GPHN: variants seen among roughly 807,000 people sequenced by gnomAD.
The protein encoded by GPHN is gephyrin.
Under a neutral mutation model 95.5 loss-of-function variants are expected in GPHN, and 17 were observed. The ratio of observed to expected loss-of-function variants is 0.18; its 90% CI spans 0.12 to 0.27. GPHN has a LOEUF of 0.27. Ranked by LOEUF, GPHN falls within the 10% of genes least tolerant of loss-of-function variation. The probability of loss-of-function intolerance (pLI) is 1.00; values close to 1 mark genes in which losing one functional copy is unlikely to be tolerated. For synonymous variants in GPHN, 320 were observed against 322.5 expected, an observed-to-expected ratio of 0.99 and a Z score of 0.08; for missense variants, 660 against 978.1, an observed-to-expected ratio of 0.67 and a Z score of 4.34.
At chr14:67,569,032 C>T in the GPHN span, 22 of 694,778 alleles carry the variant, frequency 3.2e-5, no homozygotes, top group South Asian at 3.9e-4. Context: ...CACTGCCCCC[C>T]ACAGGTCTGC....
intron 1 of GPHN, among the ~76,000 whole-genome samples, chr14:66,673,359 C>A (rs542593521): frequency 1.3e-5 from 2 of 151,680 alleles, no homozygotes; most frequent in Non-Finnish European, 2.9e-5. Context: ...CCCAAAGTGC[C>A]GGAAATACAG....
the GPHN span, among the ~76,000 whole-genome samples, chr14:67,490,848 T>C: frequency 6.6e-6 from 1 of 152,220 alleles, no homozygotes; most frequent in East Asian, 1.9e-4. Context: ...CCTTCTGCTC[T>C]CACACTCAAA....
intron 4 of GPHN, among the ~76,000 whole-genome samples, chr14:66,854,285 TCAAGTTCACATTCCTTTTA>T (rs1400765428): frequency 6.6e-6 from 1 of 152,222 alleles, no homozygotes; most frequent in Non-Finnish European, 1.5e-5. Flanking sequence ...AAACCTCATT[TCAAGTTCACATTCCTTTTA>T]TCCCAAATAA....
intron 3 of GPHN, among the ~76,000 whole-genome samples, chr14:66,803,639 AT>A (rs1445663485): frequency 1.3e-5 from 2 of 152,010 alleles, no homozygotes; most frequent in Non-Finnish European, 2.9e-5. Context: ...ATTATACTAT[AT>A]TTTTGAGTGT....
chr14:67,070,715 A>AAAAAAAAAATATATATATATATAT lies in GPHN; in HGVS notation c.1144+11930_1144+11931insAAAAAAAATATATATATATATATA. 7.1e-4 allele frequency among the ~76,000 whole-genome samples: 57 copies of AAAAAAAAAATATATATATATATAT among 80,570 alleles called. 1 individual carries two copies. The highest frequency in any genetic ancestry group is 5.0e-3 in the East Asian group (11 of 2,188). 52.9% of individuals were successfully genotyped at this position (80,570 alleles called of 152,430 possible). On this transcript the variant is annotated intron_variant, in intron 11 of 22. Transcript: ENST00000478722. ...ATCTCAAAAAAAAAAAAAAAAAAAA[A>AAAAAAAAAATATATATATATATAT]ATATATATATATATCCAATCAGCAT... is the stretch of plus-strand genomic sequence containing the variant.
the GPHN span, among the ~76,000 whole-genome samples, chr14:67,553,038 A>G: frequency 2.0e-5 from 3 of 152,226 alleles, no homozygotes; most frequent in Admixed American, 2.0e-4. Context: ...TCTTGACCCA[A>G]ATGGAAATGC....
intron 1 of GPHN, among the ~76,000 whole-genome samples, chr14:66,626,234 T>C (rs893407867): frequency 2.0e-5 from 3 of 152,184 alleles, no homozygotes; most frequent in African/African-American, 7.2e-5. Context: ...TTCTATCTTA[T>C]AGATAGGAAA....
intron 9 of GPHN, among the ~76,000 whole-genome samples, chr14:67,011,818 TATAA>T (rs145813978): frequency 0.058 from 8,817 of 151,864 alleles, 306 homozygotes; most frequent in Non-Finnish European, 0.081. Context: ...GTGTTGTGTG[TATAA>T]ATACACAGAT....
At chr14:67,697,525 T>C in the GPHN span, among the ~76,000 whole-genome samples, 2 of 152,174 alleles carry the variant, frequency 1.3e-5, no homozygotes, top group Non-Finnish European at 2.9e-5. Flanking sequence ...CCAGGCCCTG[T>C]CCCAATGATT....
At chr14:67,225,962 T>TGTGCGCGCGCGC in the GPHN span, among the ~76,000 whole-genome samples, 6 of 113,486 alleles carry the variant, frequency 5.3e-5, no homozygotes, top group African/African-American at 3.1e-4. Context: ...TGTGTGTGTG[T>TGTGCGCGCGCGC]GCGCGCGCGC....
At chr14:67,520,351 C>G in the GPHN span, among the ~76,000 whole-genome samples, 2 of 152,230 alleles carry the variant, frequency 1.3e-5, no homozygotes, top group Non-Finnish European at 2.9e-5. Context: ...TTTCCCTCCC[C>G]CTTAACCCCT....
At chr14:67,073,476 AC>A (rs1342751924) in intron 11 of GPHN, among the ~76,000 whole-genome samples, 2 of 152,122 alleles carry the variant, frequency 1.3e-5, no homozygotes, top group African/African-American at 4.8e-5. Flanking sequence ...CTTCCTAAAA[AC>A]GTACCCCTTT....
At chr14:66,661,995 T>G (rs748456093) in intron 1 of GPHN, among the ~76,000 whole-genome samples, 2 of 152,208 alleles carry the variant, frequency 1.3e-5, no homozygotes, top group Non-Finnish European at 1.5e-5. Flanking sequence ...CCATGGATGT[T>G]CTGTGGCTAA....
intron 2 of GPHN, among the ~76,000 whole-genome samples, chr14:66,757,449 G>T (rs1357873952): frequency 6.6e-6 from 1 of 152,218 alleles, no homozygotes; most frequent in South Asian, 2.1e-4. Flanking sequence ...GAGTGCTGTG[G>T]CACTATCTCA....
At chr14:66,508,714 G>C in intron 1 of GPHN, 123 bp downstream of exon 1, 1 of 884,128 alleles carries the variant, frequency 1.1e-6, no homozygotes, top group Non-Finnish European at 1.9e-6. Context: ...AGGGAACCGC[G>C]GGGGTGCATT....
At chr14:67,306,043 C>T in the GPHN span, among the ~76,000 whole-genome samples, 28 of 152,302 alleles carry the variant, frequency 1.8e-4, no homozygotes, top group Non-Finnish European at 3.4e-4. Flanking sequence ...CATCTGGGCT[C>T]ACTGCAACCT....
the GPHN span, among the ~76,000 whole-genome samples, chr14:67,516,962 A>G: frequency 2.6e-5 from 4 of 152,234 alleles, no homozygotes; most frequent in Non-Finnish European, 2.9e-5. Flanking sequence ...CATCATAAAT[A>G]TAGTATAATG....
chr14:66,520,677 TAGTG>T (rs1453225109), intron 1 of GPHN, among the ~76,000 whole-genome samples: 2 of 151,442 alleles, frequency 1.3e-5, no homozygotes, highest in African/African-American at 4.9e-5. Context: ...CCTTCCCAAT[TAGTG>T]AGTCCAGAGG....
At chr14:67,159,743 C>T (rs1309076125) in intron 19 of GPHN, among the ~76,000 whole-genome samples, 1 of 152,052 alleles carries the variant, frequency 6.6e-6, no homozygotes, top group African/African-American at 2.4e-5. Flanking sequence ...AATTCTCATC[C>T]CTAGTTCCTT....
Sources: allele counts gnomAD v4.1 joint callset (sites outside exome capture counted in the v4.1 genomes callset), GRCh38; gene constraint gnomAD v4.1.1; transcripts MANE v1.5; gene names NCBI Gene and HGNC (gene_info 2026-07-23, HGNC 2026-07-21).